Variants in MACROD2 observed in about 807,000 individuals in gnomAD.
MACROD2 encodes ADP-ribose glycohydrolase MACROD2.
In MACROD2, 36 loss-of-function variants were observed where a neutral mutation model predicts 70.4. The ratio of observed to expected loss-of-function variants is 0.51; its 90% CI spans 0.39 to 0.68. MACROD2 has a LOEUF of 0.68. Among genes scored for constraint, MACROD2 ranks in the 30% least tolerant of loss-of-function variants. MACROD2 has a pLI of 0.00. For synonymous variants in MACROD2, 172 were observed against 178.8 expected, an observed-to-expected ratio of 0.96 and a Z score of 0.30; for missense variants, 496 against 538.4, an observed-to-expected ratio of 0.92 and a Z score of 0.78.
Position 15,267,572 on chromosome 20 carries a change from C to G in MACROD2, c.540+37511C>G, listed in dbSNP as rs1041377410. ...TAAACATGGGATGGCGTCAGACATT[C>G]ACTAAGCATGCCCCAGCCTCTGACT... On this transcript the variant is annotated intron_variant, in intron 6 of 17. Transcript: ENST00000684519. 1.9e-4 allele frequency among the ~76,000 whole-genome samples: 29 copies of G among 152,190 alleles called. 1 individual carries two copies. Among genetic ancestry groups the G allele is most frequent in the African/African-American group, 7.0e-4 (29 of 41,446 alleles).
At chr20:15,695,656 G>A (rs904785683) in intron 8 of MACROD2, among the ~76,000 whole-genome samples, 9 of 152,034 alleles carry the variant, frequency 5.9e-5, no homozygotes, top group East Asian at 1.9e-4. Context: ...TGATCCACCC[G>A]CCTCGGCCTC....
At chr20:15,254,929 CTTTTTTTTTTTTT>C (rs762538763) in intron 6 of MACROD2, among the ~76,000 whole-genome samples, 1 of 80,548 alleles carries the variant, frequency 1.2e-5, no homozygotes, top group South Asian at 4.5e-4. Context: ...CAAAGCACAC[CTTTTTTTTTTTTT>C]TTTTTTTTTT....
At chr20:15,737,530 A>C (rs2051040321) in intron 8 of MACROD2, among the ~76,000 whole-genome samples, 1 of 151,948 alleles carries the variant, frequency 6.6e-6, no homozygotes, top group Non-Finnish European at 1.5e-5. Flanking sequence ...AGCAGTCAGC[A>C]CATGATAGTT....
At chr20:15,010,515 C>T (rs540477008) in intron 5 of MACROD2, among the ~76,000 whole-genome samples, 3 of 152,258 alleles carry the variant, frequency 2.0e-5, no homozygotes, top group East Asian at 3.9e-4. Flanking sequence ...ATAAATGCAG[C>T]GAGATGAGAA....
At chr20:14,299,696 C>A (rs868443474) in intron 3 of MACROD2, among the ~76,000 whole-genome samples, 2 of 152,134 alleles carry the variant, frequency 1.3e-5, no homozygotes. Flanking sequence ...CAAACCCTGA[C>A]CATAACTACT....
intron 8 of MACROD2, among the ~76,000 whole-genome samples, chr20:15,536,340 G>A (rs909036428): frequency 6.6e-6 from 1 of 152,134 alleles, no homozygotes; most frequent in African/African-American, 2.4e-5. Flanking sequence ...TGAAGAGACC[G>A]GAGCCTGCAA....
At chr20:14,856,112 T>C (rs868823101) in intron 5 of MACROD2, among the ~76,000 whole-genome samples, 28 of 152,186 alleles carry the variant, frequency 1.8e-4, no homozygotes, top group African/African-American at 6.8e-4. Context: ...TGAGCCTCTC[T>C]CTTTTTTATG....
chr20:15,412,871 T>C (rs1042603645), intron 6 of MACROD2, among the ~76,000 whole-genome samples: 6 of 152,190 alleles, frequency 3.9e-5, no homozygotes, highest in African/African-American at 7.2e-5. Flanking sequence ...TGAAAGCTCA[T>C]AAAATATCAT....
chr20:15,075,636 C>A (rs1458518780), intron 5 of MACROD2, among the ~76,000 whole-genome samples: 6 of 152,006 alleles, frequency 3.9e-5, no homozygotes. Context: ...CTTTCCATTG[C>A]AAAAAAATGA....
At chr20:14,774,266 A>G (rs2072206875) in intron 5 of MACROD2, among the ~76,000 whole-genome samples, 3 of 152,036 alleles carry the variant, frequency 2.0e-5, no homozygotes, top group Admixed American at 2.0e-4. Context: ...TTGTCAATAA[A>G]TGATTTTTTT....
chr20:14,972,905 C>T (rs1456335326), intron 5 of MACROD2, among the ~76,000 whole-genome samples: 2 of 152,174 alleles, frequency 1.3e-5, no homozygotes, highest in Admixed American at 6.5e-5. Context: ...ACTTAAACAG[C>T]CAGAAACTCG....
At chr20:15,342,617 T>G (rs571734000) in intron 6 of MACROD2, among the ~76,000 whole-genome samples, 1 of 152,306 alleles carries the variant, frequency 6.6e-6, no homozygotes, top group African/African-American at 2.4e-5. Context: ...AGGGAAGGTC[T>G]TTTATTAGCT....
chr20:15,605,542 A>T (rs559508599), intron 8 of MACROD2, among the ~76,000 whole-genome samples: 12 of 151,658 alleles, frequency 7.9e-5, no homozygotes, highest in Non-Finnish European at 1.6e-4. Flanking sequence ...TCAGTGTTGG[A>T]CCCAAAAAGC....
At chr20:14,595,371 A>G (rs1982057349) in intron 4 of MACROD2, among the ~76,000 whole-genome samples, 1 of 152,184 alleles carries the variant, frequency 6.6e-6, no homozygotes, top group African/African-American at 2.4e-5. Context: ...GAACCCCTGT[A>G]CCACCTAGGA....
intron 8 of MACROD2, among the ~76,000 whole-genome samples, chr20:15,502,543 C>A (rs1304918046): frequency 3.3e-5 from 5 of 152,096 alleles, no homozygotes; most frequent in Non-Finnish European, 1.5e-5. Flanking sequence ...AAAAACAAGC[C>A]TGGCTGCTCT....
At chr20:14,053,683 G>C (rs536996582) in intron 2 of MACROD2, 4 of 152,216 alleles carry the variant, frequency 2.6e-5, no homozygotes, top group African/African-American at 9.6e-5. Flanking sequence ...TTTTCAAGAT[G>C]AAGTATGGTG....
At chr20:14,291,099 A>C (rs1193589033) in intron 3 of MACROD2, among the ~76,000 whole-genome samples, 2 of 152,234 alleles carry the variant, frequency 1.3e-5, no homozygotes, top group Non-Finnish European at 2.9e-5. Context: ...ACCAAAAAGG[A>C]AAACAAGAGT....
intron 5 of MACROD2, among the ~76,000 whole-genome samples, chr20:15,065,708 A>C (rs1382442740): frequency 6.6e-6 from 1 of 152,134 alleles, no homozygotes; most frequent in African/African-American, 2.4e-5. Flanking sequence ...CTCTCATTTA[A>C]GCATCTAACA....
At chr20:15,888,280 C>G (rs1209872104) in intron 10 of MACROD2, among the ~76,000 whole-genome samples, 2 of 151,918 alleles carry the variant, frequency 1.3e-5, no homozygotes, top group Non-Finnish European at 2.9e-5. Flanking sequence ...TAAAAAGAAC[C>G]ATATGTTTAA....
Sources: gnomAD v4.1 joint callset for allele counts (sites outside exome capture counted in the v4.1 genomes callset) on GRCh38, gnomAD v4.1.1 for gene constraint, MANE v1.5 for transcripts, NCBI Gene and HGNC (gene_info 2026-07-23, HGNC 2026-07-21) for gene names.